GLIS1: variants seen among roughly 807,000 people sequenced by gnomAD.
GLIS1 encodes the protein zinc finger protein GLIS1.
GLIS1 carries 24 observed loss-of-function variants against 63.8 expected under a neutral mutation model. The ratio of observed to expected loss-of-function variants is 0.38; its 90% CI spans 0.27 to 0.53. GLIS1 has a LOEUF of 0.53. Ranked by LOEUF, GLIS1 falls within the 20% of genes least tolerant of loss-of-function variation. The pLI, the probability that GLIS1 is intolerant of heterozygous loss-of-function variation, is 0.85. For synonymous variants in GLIS1, 450 were observed against 482.5 expected (o/e 0.93, Z 0.88); for missense variants, 1,036 against 1,074.1 (o/e 0.96, Z 0.50).
intron 4 of GLIS1, among the ~76,000 whole-genome samples, chr1:53,556,266 G>T (rs1450124338): frequency 2.1e-5 from 3 of 141,914 alleles, no homozygotes; most frequent in Non-Finnish European, 4.6e-5. Context: ...CAGGTGTACT[G>T]CAGGTGTGTG....
At chr1:53,506,849 GC>G in intron 10 of GLIS1, 73 bp from the exon 11 acceptor site, 1 of 1,410,432 alleles carries the variant, frequency 7.1e-7, no homozygotes, top group Non-Finnish European at 9.6e-7. Flanking sequence ...CCAGTTCCAG[GC>G]CCCACCCCGC....
At chr1:53,648,874 C>T (rs889321476) in intron 2 of GLIS1, among the ~76,000 whole-genome samples, 6 of 152,094 alleles carry the variant, frequency 3.9e-5, no homozygotes, top group Admixed American at 6.5e-5. Context: ...GGGGCTCTTC[C>T]GGGAATAGTA....
At chr1:53,541,989 G>A (rs1218541643) in intron 4 of GLIS1, among the ~76,000 whole-genome samples, 1 of 152,250 alleles carries the variant, frequency 6.6e-6, no homozygotes, top group Non-Finnish European at 1.5e-5. Context: ...CAAAGCTAAG[G>A]AAGGGGGAGG....
At chr1:53,644,222 C>G (rs949974569) in intron 2 of GLIS1, among the ~76,000 whole-genome samples, 1 of 152,228 alleles carries the variant, frequency 6.6e-6, no homozygotes, top group African/African-American at 2.4e-5. Flanking sequence ...CCACTTGGCT[C>G]TGCCCCAGAG....
At chr1:53,518,068 T>C (rs1219952271) in intron 7 of GLIS1, among the ~76,000 whole-genome samples, 1 of 152,192 alleles carries the variant, frequency 6.6e-6, no homozygotes, top group Non-Finnish European at 1.5e-5. Flanking sequence ...CCCTAACATC[T>C]GTTCCCTTCT....
intron 2 of GLIS1, among the ~76,000 whole-genome samples, chr1:53,640,758 G>A (rs2100288098): frequency 6.6e-6 from 1 of 152,314 alleles, no homozygotes; most frequent in Non-Finnish European, 1.5e-5. Context: ...AACCCAGGCA[G>A]TAGTCTGGGA....
At chr1:53,738,610 C>G (rs1377722675) in intron 1 of GLIS1, among the ~76,000 whole-genome samples, 1 of 152,178 alleles carries the variant, frequency 6.6e-6, no homozygotes, top group Non-Finnish European at 1.5e-5. Flanking sequence ...CCCAAAGGCC[C>G]GAGGGAAACC....
chr1:53,647,005 G>A (rs1473509824), intron 2 of GLIS1, among the ~76,000 whole-genome samples: 1 of 148,604 alleles, frequency 6.7e-6, no homozygotes, highest in Non-Finnish European at 1.5e-5. Context: ...AGGAAGGGAG[G>A]GATGAAGGAA....
At position 53,739,162 on chromosome 1, in the gene GLIS1, A is replaced by T. The variant is rs797904; in HGVS notation, c.-100T>A. ...CGGCTCGGCGCGCCTCCACTGGCGC[A>T]GCAGCCCCCGCAGCCGCCGCAGCCG... On this transcript the variant is annotated 5_prime_UTR_variant, in exon 1 of 11. Coordinates refer to ENST00000628545, the MANE Select transcript of GLIS1 (RefSeq NM_001367484.1). Among the ~76,000 whole-genome samples, 2 of 106,640 alleles carry T rather than the reference A, an allele frequency of 1.9e-5. No homozygotes were observed. Among genetic ancestry groups the T allele is most frequent in the African/African-American group, 5.6e-5 (2 of 36,000 alleles). The allele number at this position is 106,640 out of a possible 152,430, so 70.0% of individuals were successfully genotyped here. A position where few individuals can be genotyped will look rare whatever the true frequency, so the allele number is the denominator to read the frequency against.
At chr1:53,624,643 T>G (rs1645577164) in intron 2 of GLIS1, among the ~76,000 whole-genome samples, 1 of 151,802 alleles carries the variant, frequency 6.6e-6, no homozygotes, top group Admixed American at 6.6e-5. Flanking sequence ...TGGGCTCAAG[T>G]GATCCTCCTG....
chr1:53,533,380 G>A (rs1024685916), intron 4 of GLIS1, among the ~76,000 whole-genome samples: 2 of 152,200 alleles, frequency 1.3e-5, no homozygotes, highest in African/African-American at 4.8e-5. Flanking sequence ...TGCAGTCCAC[G>A]CACCCCTGTG....
intron 4 of GLIS1, among the ~76,000 whole-genome samples, chr1:53,553,749 C>CTTAGGGGTAG (rs80026096): frequency 0.16 from 23,840 of 152,092 alleles, 2,053 homozygotes; most frequent in South Asian, 0.22. Flanking sequence ...CAGGAGCTAC[C>CTTAGGGGTAG]CCTAAGCTTT....
At chr1:53,638,293 A>G (rs1645748332) in intron 2 of GLIS1, among the ~76,000 whole-genome samples, 1 of 152,244 alleles carries the variant, frequency 6.6e-6, no homozygotes, top group African/African-American at 2.4e-5. Context: ...GCTGGATACC[A>G]TAACCCAAAG....
intron 4 of GLIS1, among the ~76,000 whole-genome samples, chr1:53,563,684 A>AT (rs1644911504): frequency 6.6e-6 from 1 of 152,216 alleles, no homozygotes. Context: ...ATCTGAAGAG[A>AT]TAACAGCTTG....
chr1:53,602,424 C>G (rs926346750), intron 2 of GLIS1, among the ~76,000 whole-genome samples: 1 of 152,122 alleles, frequency 6.6e-6, no homozygotes, highest in African/African-American at 2.4e-5. Context: ...AATCATCACA[C>G]GGAGCAGTTT....
At chr1:53,693,880 A>C (rs1646435687) in intron 2 of GLIS1, among the ~76,000 whole-genome samples, 1 of 152,180 alleles carries the variant, frequency 6.6e-6, no homozygotes, top group African/African-American at 2.4e-5. Context: ...GACCTTGATG[A>C]GAAGATGCTT....
At chr1:53,648,912 C>T (rs997817909) in intron 2 of GLIS1, among the ~76,000 whole-genome samples, 15 of 152,212 alleles carry the variant, frequency 9.9e-5, no homozygotes, top group Admixed American at 6.5e-5. Flanking sequence ...TCCACAGTTA[C>T]ATTCACCTTG....
chr1:53,611,865 A>C (rs1294966240), intron 2 of GLIS1, among the ~76,000 whole-genome samples: 1 of 152,014 alleles, frequency 6.6e-6, no homozygotes, highest in Non-Finnish European at 1.5e-5. Context: ...ACAGGGTCTC[A>C]CTCTGTTGCC....
chr1:53,565,428 A>C, intron 4 of GLIS1, among the ~76,000 whole-genome samples: 1 of 152,104 alleles, frequency 6.6e-6, no homozygotes, highest in Admixed American at 6.5e-5. Context: ...AAATAGAACC[A>C]AAAAGACAGG....
Sources: allele counts gnomAD v4.1 joint callset (sites outside exome capture counted in the v4.1 genomes callset), GRCh38; gene constraint gnomAD v4.1.1; transcripts MANE v1.5; gene names NCBI Gene and HGNC (gene_info 2026-07-23, HGNC 2026-07-21).